PCSK5: variants seen among roughly 807,000 people sequenced by gnomAD.
PCSK5 encodes the protein proprotein convertase subtilisin/kexin type 5.
A neutral mutation model predicts 233.2 loss-of-function variants in PCSK5; 129 were observed. That is an observed-to-expected ratio of 0.55 (90% CI 0.48 to 0.64). The LOEUF is 0.64. PCSK5 is among the 30% of genes least tolerant of loss of function. The probability of loss-of-function intolerance (pLI) is 0.00; values close to 1 mark genes in which losing one functional copy is unlikely to be tolerated. For missense variants in PCSK5, 2,076 were observed against 2,430.1 expected (o/e 0.85, Z 3.06); for synonymous variants, 825 against 879.2 (o/e 0.94, Z 1.09).
intron 3 of PCSK5, among the ~76,000 whole-genome samples, chr9:76,014,749 TC>T (rs1251193824): frequency 6.6e-6 from 1 of 152,194 alleles, no homozygotes; most frequent in African/African-American, 2.4e-5. Flanking sequence ...CATATGAATG[TC>T]TTCTCTTCTC....
intron 10 of PCSK5, among the ~76,000 whole-genome samples, chr9:76,150,582 G>A (rs1056764886): frequency 1.3e-5 from 2 of 151,604 alleles, no homozygotes; most frequent in South Asian, 2.1e-4. Flanking sequence ...GCAGTGAGCC[G>A]AGATCACACC....
At chr9:76,322,811 AG>A (rs1829246258) in intron 31 of PCSK5, among the ~76,000 whole-genome samples, 1 of 152,166 alleles carries the variant, frequency 6.6e-6, no homozygotes, top group African/African-American at 2.4e-5. Context: ...GCACCTCCAA[AG>A]GGCAGACCAT....
At chr9:76,129,181 C>T (rs1032107296) in intron 9 of PCSK5, among the ~76,000 whole-genome samples, 10 of 152,042 alleles carry the variant, frequency 6.6e-5, no homozygotes, top group Non-Finnish European at 7.4e-5. Context: ...CCGTAACTGC[C>T]GATTTCTTTT....
chr9:75,897,516 C>T (rs983026337), intron 1 of PCSK5, among the ~76,000 whole-genome samples: 4 of 105,264 alleles, frequency 3.8e-5, no homozygotes, highest in Admixed American at 1.1e-4. Context: ...TTTCCCGAAA[C>T]GGAGTCTTGC....
intron 2 of PCSK5, among the ~76,000 whole-genome samples, chr9:75,935,921 T>C (rs1488320993): frequency 6.6e-6 from 1 of 152,140 alleles, no homozygotes; most frequent in Admixed American, 6.5e-5. Context: ...TATCTGCCAG[T>C]TTCTCTACTT....
At chr9:75,972,391 A>G (rs117751891) in intron 2 of PCSK5, among the ~76,000 whole-genome samples, 632 of 152,324 alleles carry the variant, frequency 4.1e-3, no homozygotes, top group Non-Finnish European at 7.1e-3. Context: ...TGAATTTTAA[A>G]GAAGTTTTTT....
chr9:76,041,983 A>G (rs1829141327), intron 5 of PCSK5, among the ~76,000 whole-genome samples: 2 of 152,216 alleles, frequency 1.3e-5, no homozygotes. Flanking sequence ...AATACTAGAG[A>G]CTGATGAATA....
At chr9:75,949,717 A>G (rs972939843) in intron 2 of PCSK5, among the ~76,000 whole-genome samples, 5 of 151,874 alleles carry the variant, frequency 3.3e-5, no homozygotes, top group Non-Finnish European at 7.4e-5. Context: ...TAGTAGAGAT[A>G]GGGTTTCAAC....
chr9:76,081,389 G>C (rs1273473273), intron 7 of PCSK5, among the ~76,000 whole-genome samples: 3 of 152,148 alleles, frequency 2.0e-5, no homozygotes, highest in African/African-American at 7.2e-5. Context: ...GGGAGGCAGA[G>C]TTTGCAGTGA....
Position 76,163,224 on chromosome 9 carries a change from G to A in PCSK5, c.1619+4053G>A, listed in dbSNP as rs146916365. Among the ~76,000 whole-genome samples, 10 of 152,300 alleles carry A rather than the reference G, an allele frequency of 6.6e-5. No homozygotes were observed. The East Asian group carries it at 1.7e-3, about 26-fold the overall frequency. The stretch of plus-strand genomic sequence containing the variant: ...AGAATTGTTTATCTCCTCACCACAG[G>A]AATTCCTTGAAAGTCTGTTTTCTGA... On this transcript the variant is annotated intron_variant, in intron 12 of 37. Coordinates refer to ENST00000674117, the MANE Select transcript of PCSK5 (RefSeq NM_001372043.1).
At chr9:76,111,464 G>A (rs1256711064) in intron 9 of PCSK5, among the ~76,000 whole-genome samples, 8 of 152,128 alleles carry the variant, frequency 5.3e-5, no homozygotes, top group Non-Finnish European at 7.4e-5. Context: ...AATTATGGAC[G>A]ATTTTAGAAT....
intron 20 of PCSK5, among the ~76,000 whole-genome samples, chr9:76,217,920 C>A (rs1051197753): frequency 2.0e-5 from 3 of 152,168 alleles, no homozygotes; most frequent in African/African-American, 4.8e-5. Context: ...TCCATACAAA[C>A]GCCGCTGCCC....
At chr9:76,216,527 T>C (rs73650494) in intron 20 of PCSK5, among the ~76,000 whole-genome samples, 6,331 of 152,250 alleles carry the variant, frequency 0.042, 183 homozygotes, top group South Asian at 0.13. Flanking sequence ...GCTTCCTCCA[T>C]AAGGCAACAA....
intron 34 of PCSK5, among the ~76,000 whole-genome samples, chr9:76,334,353 T>C (rs1473141372): frequency 6.6e-6 from 1 of 152,230 alleles, no homozygotes; most frequent in Non-Finnish European, 1.5e-5. Context: ...AAGAAAATTA[T>C]AAACTCATGG....
intron 24 of PCSK5, among the ~76,000 whole-genome samples, chr9:76,281,401 T>C (rs940352665): frequency 1.3e-5 from 2 of 152,234 alleles, no homozygotes; most frequent in Non-Finnish European, 2.9e-5. Flanking sequence ...AAATCCATTC[T>C]GCCTGTGGTC....
At chr9:76,192,937 T>G (rs1824480694) in intron 20 of PCSK5, among the ~76,000 whole-genome samples, 1 of 152,098 alleles carries the variant, frequency 6.6e-6, no homozygotes, top group Admixed American at 6.6e-5. Context: ...AAGACAAATT[T>G]CTTGCTTGTG....
chr9:76,158,082 G>A (rs916357943), intron 11 of PCSK5, among the ~76,000 whole-genome samples: 1 of 152,040 alleles, frequency 6.6e-6, no homozygotes, highest in Non-Finnish European at 1.5e-5. Flanking sequence ...CAAAACATTA[G>A]GAATAAAAAG....
chr9:75,953,452 T>A (rs1354566318), intron 2 of PCSK5, among the ~76,000 whole-genome samples: 4 of 152,150 alleles, frequency 2.6e-5, no homozygotes, highest in African/African-American at 9.7e-5. Flanking sequence ...TAAAGTGAGC[T>A]GAGAGACTGA....
At chr9:76,141,209 A>G (rs530024021) in intron 10 of PCSK5, among the ~76,000 whole-genome samples, 1 of 152,256 alleles carries the variant, frequency 6.6e-6, no homozygotes, top group African/African-American at 2.4e-5. Context: ...CAGTTCCAAA[A>G]TAAGATGCCC....
Sources: allele counts gnomAD v4.1 joint callset (sites outside exome capture counted in the v4.1 genomes callset), GRCh38; gene constraint gnomAD v4.1.1; transcripts MANE v1.5; gene names NCBI Gene and HGNC (gene_info 2026-07-23, HGNC 2026-07-21).